The following BRAF variants were observed in gnomAD, a reference collection of about 807,000 sequenced individuals.
BRAF encodes serine/threonine-protein kinase B-raf.
Under a neutral mutation model 104.6 loss-of-function variants are expected in BRAF, and 16 were observed. That is an observed-to-expected ratio of 0.15 (90% confidence interval 0.10 to 0.23). The LOEUF is 0.23. Ranked by LOEUF, BRAF falls within the 10% of genes least tolerant of loss-of-function variation. The pLI, the probability that BRAF is intolerant of heterozygous loss-of-function variation, is 1.00. For synonymous variants in BRAF, 310 were observed against 341.6 expected, an observed-to-expected ratio of 0.91 and a Z score of 1.02; for missense variants, 541 against 937.3, an observed-to-expected ratio of 0.58 and a Z score of 5.52.
chr7:140,770,704 G>A (rs901602416), intron 14 of BRAF, among the ~76,000 whole-genome samples: 35 of 152,070 alleles, frequency 2.3e-4, no homozygotes, highest in African/African-American at 8.5e-4. Flanking sequence ...GGGAGGCCGA[G>A]GCGGGCAGAT....
chr7:140,772,467 C>A (rs1394767129), intron 14 of BRAF, among the ~76,000 whole-genome samples: 1 of 151,784 alleles, frequency 6.6e-6, no homozygotes, highest in African/African-American at 2.4e-5. Flanking sequence ...ACAAAAAATA[C>A]AAAAACATGA....
intron 1 of BRAF, among the ~76,000 whole-genome samples, chr7:140,882,456 A>T (rs1331951806): frequency 6.6e-6 from 1 of 150,388 alleles, no homozygotes; most frequent in Non-Finnish European, 1.5e-5. Flanking sequence ...GCTCACTGCA[A>T]CCTCTGCCTC....
intron 1 of BRAF, among the ~76,000 whole-genome samples, chr7:140,882,881 C>T (rs1046375593): frequency 2.0e-5 from 3 of 152,048 alleles, no homozygotes; most frequent in Non-Finnish European, 2.9e-5. Flanking sequence ...GCAATCCCAG[C>T]TACTCAGGAG....
intron 1 of BRAF, among the ~76,000 whole-genome samples, chr7:140,856,372 T>A (rs773305930): frequency 6.6e-6 from 1 of 152,066 alleles, no homozygotes; most frequent in Non-Finnish European, 1.5e-5. Flanking sequence ...AACCACTTAG[T>A]TGGAAAAATT....
chr7:140,888,916 C>A (rs1451733806), intron 1 of BRAF, among the ~76,000 whole-genome samples: 1 of 152,058 alleles, frequency 6.6e-6, no homozygotes, highest in Non-Finnish European at 1.5e-5. Flanking sequence ...TGTCTCCCGG[C>A]ATTTTTGATG....
At chr7:140,803,683 C>T (rs1480606239) in intron 5 of BRAF, among the ~76,000 whole-genome samples, 1 of 152,050 alleles carries the variant, frequency 6.6e-6, no homozygotes, top group African/African-American at 2.4e-5. Flanking sequence ...GTTAAGAATT[C>T]CATGTCAAAG....
At chr7:140,866,193 G>A (rs1810948044) in intron 1 of BRAF, among the ~76,000 whole-genome samples, 1 of 152,124 alleles carries the variant, frequency 6.6e-6, no homozygotes, top group South Asian at 2.1e-4. Flanking sequence ...TGTAGTGTAG[G>A]TTCAGGACTT....
intron 2 of BRAF, among the ~76,000 whole-genome samples, chr7:140,844,454 T>A (rs1808333395): frequency 6.6e-6 from 1 of 152,238 alleles, no homozygotes; most frequent in Admixed American, 6.5e-5. Flanking sequence ...CCATTTCTGC[T>A]GCTGTCTTTC....
At position 140,904,939 on chromosome 7, in the gene BRAF, T is replaced by G. The variant is rs528564627; in HGVS notation, c.138+19627A>C. Among the ~76,000 whole-genome samples the G allele has an allele frequency of 4.0e-3, 515 of 129,322 alleles. 3 individuals are homozygous for G. The highest frequency in any genetic ancestry group is 7.6e-3 in the Middle Eastern group (2 of 264). The allele number at this position is 129,322 out of a possible 152,430, so 84.8% of individuals were successfully genotyped here. A position where few individuals can be genotyped will look rare whatever the true frequency, so the allele number is the denominator to read the frequency against. On this transcript the variant is annotated intron_variant, in intron 1 of 19. Transcript: ENST00000644969. ...TTCCAAGTATTAATAGTTGCTCAAT[T>G]TCTAACATGAAGCTTTAAAAATTAC...
downstream of BRAF, among the ~76,000 whole-genome samples, chr7:140,718,880 CAT>C (rs1431874278): frequency 6.6e-6 from 1 of 152,144 alleles, no homozygotes; most frequent in Non-Finnish European, 1.5e-5. Context: ...AACATGAGTG[CAT>C]AGTTTCAAGT....
intron 12 of BRAF, chr7:140,779,692 G>C (rs576113596): frequency 5.3e-5 from 8 of 152,314 alleles, no homozygotes; most frequent in Non-Finnish European, 7.3e-5. Context: ...CAGCACTTTG[G>C]AAGGCCAAGG....
chr7:140,862,076 C>G (rs1420816029), intron 1 of BRAF, among the ~76,000 whole-genome samples: 3 of 152,130 alleles, frequency 2.0e-5, no homozygotes, highest in African/African-American at 7.2e-5. Context: ...AATCCTAGAC[C>G]TATGTAACTG....
intron 7 of BRAF, among the ~76,000 whole-genome samples, chr7:140,798,694 C>T (rs982115613): frequency 6.6e-6 from 1 of 151,628 alleles, no homozygotes; most frequent in Non-Finnish European, 1.5e-5. Context: ...GTGTCTCACG[C>T]CTGTAATTCT....
chr7:140,787,293 T>C (rs1586160849), intron 9 of BRAF, among the ~76,000 whole-genome samples: 1 of 103,266 alleles, frequency 9.7e-6, no homozygotes, highest in African/African-American at 4.1e-5. Context: ...AGAGCGAGAC[T>C]CCGTCTCAAA....
intron 1 of BRAF, among the ~76,000 whole-genome samples, chr7:140,883,014 GTAAA>G (rs34394570): frequency 0.028 from 4,237 of 148,720 alleles, 82 homozygotes; most frequent in Non-Finnish European, 0.035. Context: ...ATAAAATAAA[GTAAA>G]TAAATAAATA....
At chr7:140,879,148 G>A (rs2129101517) in intron 1 of BRAF, among the ~76,000 whole-genome samples, 1 of 152,068 alleles carries the variant, frequency 6.6e-6, no homozygotes, top group South Asian at 2.1e-4. Context: ...AAAGAGCCAG[G>A]ATTACAAGCA....
chr7:140,792,247 C>A (rs1802055270), intron 8 of BRAF, among the ~76,000 whole-genome samples: 1 of 152,166 alleles, frequency 6.6e-6, no homozygotes, highest in Non-Finnish European at 1.5e-5. Flanking sequence ...TATTGACAGT[C>A]CTGCCTCTAT....
intron 1 of BRAF, among the ~76,000 whole-genome samples, chr7:140,920,581 C>T (rs1818108755): frequency 6.6e-6 from 1 of 152,246 alleles, no homozygotes; most frequent in African/African-American, 2.4e-5. Flanking sequence ...TATCCAAATA[C>T]ATGTACAATT....
At chr7:140,742,325 G>A (rs964696833) in intron 17 of BRAF, among the ~76,000 whole-genome samples, 3 of 152,022 alleles carry the variant, frequency 2.0e-5, no homozygotes, top group Non-Finnish European at 4.4e-5. Context: ...CCAAGTAGCT[G>A]GGATTACAGG....
Sources: allele counts gnomAD v4.1 joint callset (sites outside exome capture counted in the v4.1 genomes callset), GRCh38; gene constraint gnomAD v4.1.1; transcripts MANE v1.5; gene names NCBI Gene and HGNC (gene_info 2026-07-23, HGNC 2026-07-21).